Variants in BBOX1 observed in about 807,000 individuals in gnomAD.
The protein encoded by BBOX1 is gamma-butyrobetaine dioxygenase.
Under a neutral mutation model 41.6 loss-of-function variants are expected in BBOX1, and 35 were observed. That is an observed-to-expected ratio of 0.84 (90% confidence interval 0.64 to 1.11). The LOEUF is 1.11. Ranked by LOEUF, BBOX1 falls within the 50% of genes most tolerant of loss-of-function variation. BBOX1 has a pLI of 0.00. For synonymous variants in BBOX1, 163 were observed against 154.7 expected, an observed-to-expected ratio of 1.05 and a Z score of -0.40; for missense variants, 458 against 460.6, an observed-to-expected ratio of 0.99 and a Z score of 0.05.
At chr11:27,052,898 G>A (rs1856859654) in intron 2 of BBOX1, among the ~76,000 whole-genome samples, 1 of 151,894 alleles carries the variant, frequency 6.6e-6, no homozygotes, top group Non-Finnish European at 1.5e-5. Context: ...ATTCCAGAAA[G>A]GAAGTGGAAA....
chr11:27,076,389 C>T (rs1199614539), intron 4 of BBOX1, among the ~76,000 whole-genome samples: 2 of 152,192 alleles, frequency 1.3e-5, no homozygotes, highest in African/African-American at 4.8e-5. Context: ...CTCAGGACCT[C>T]CTGGTTAGCC....
intron 2 of BBOX1, among the ~76,000 whole-genome samples, chr11:27,042,707 G>A (rs1851374841): frequency 6.6e-6 from 1 of 151,994 alleles, no homozygotes; most frequent in Non-Finnish European, 1.5e-5. Context: ...AAGTATCTCA[G>A]CCACTTATTA....
intron 3 of BBOX1, among the ~76,000 whole-genome samples, chr11:27,056,754 G>A (rs1055476824): frequency 2.6e-5 from 4 of 151,916 alleles, no homozygotes; most frequent in Non-Finnish European, 4.4e-5. Flanking sequence ...TTCCAAAAGC[G>A]TATGCTTAAT....
At chr11:27,121,872 A>G (rs902374052) in intron 7 of BBOX1, among the ~76,000 whole-genome samples, 1 of 152,182 alleles carries the variant, frequency 6.6e-6, no homozygotes, top group African/African-American at 2.4e-5. Context: ...AAACATAGCT[A>G]TAGATAAGAT....
chr11:27,105,075 C>T (rs1421930518), intron 5 of BBOX1, among the ~76,000 whole-genome samples: 1 of 152,110 alleles, frequency 6.6e-6, no homozygotes, highest in African/African-American at 2.4e-5. Flanking sequence ...GACATCCACA[C>T]CAAAACCCCA....
intron 7 of BBOX1, among the ~76,000 whole-genome samples, chr11:27,123,294 G>A: frequency 6.6e-6 from 1 of 151,816 alleles, no homozygotes; most frequent in East Asian, 1.9e-4. Context: ...ATACCATGAG[G>A]CATCCAATTC....
chr11:27,110,908 T>C (rs971624918), intron 5 of BBOX1, among the ~76,000 whole-genome samples: 8 of 151,958 alleles, frequency 5.3e-5, no homozygotes, highest in Non-Finnish European at 5.9e-5. Flanking sequence ...ATAGTGAACA[T>C]TTTTCAAGCC....
intron 2 of BBOX1, among the ~76,000 whole-genome samples, chr11:27,044,042 T>G (rs1267910677): frequency 6.6e-6 from 1 of 152,242 alleles, no homozygotes; most frequent in Non-Finnish European, 1.5e-5. Context: ...ATGTTTGAAC[T>G]ACTTTATATT....
At chr11:27,096,950 C>T (rs1006278928) in intron 5 of BBOX1, among the ~76,000 whole-genome samples, 1 of 151,964 alleles carries the variant, frequency 6.6e-6, no homozygotes, top group African/African-American at 2.4e-5. Context: ...AGATGCTTGT[C>T]ATTATTTTGT....
chr11:27,102,566 C>G (rs1257263588), intron 5 of BBOX1, among the ~76,000 whole-genome samples: 2 of 151,876 alleles, frequency 1.3e-5, no homozygotes, highest in Non-Finnish European at 2.9e-5. Flanking sequence ...CAACAAGCAT[C>G]CTTACTACTG....
intron 5 of BBOX1, among the ~76,000 whole-genome samples, chr11:27,098,247 G>T (rs1435598245): frequency 6.6e-6 from 1 of 151,680 alleles, no homozygotes; most frequent in Non-Finnish European, 1.5e-5. Flanking sequence ...CATTGATCTG[G>T]CATCCTCTGC....
intron 5 of BBOX1, among the ~76,000 whole-genome samples, chr11:27,105,251 T>A: frequency 6.6e-6 from 1 of 152,210 alleles, no homozygotes; most frequent in South Asian, 2.1e-4. Flanking sequence ...GAATGACTGA[T>A]GAATTGAGAG....
chr11:27,114,050 T>G (rs1025231783), intron 5 of BBOX1, among the ~76,000 whole-genome samples: 2 of 151,840 alleles, frequency 1.3e-5, no homozygotes, highest in Non-Finnish European at 2.9e-5. Flanking sequence ...ATGAATGAAT[T>G]TAGCAAGTTG....
At chr11:27,097,955 T>C (rs1858502406) in intron 5 of BBOX1, among the ~76,000 whole-genome samples, 1 of 152,008 alleles carries the variant, frequency 6.6e-6, no homozygotes, top group Admixed American at 6.6e-5. Flanking sequence ...ACACATGCCA[T>C]TTCTATGACA....
At position 27,093,332 on chromosome 11, in the gene BBOX1, A is replaced by G. The variant is rs746516932; in HGVS notation, c.499A>G (p.Lys167Glu). ...ACCAGGAGAAGTTTCAAAACTTGGG[A>G]AAAGGATGGGTTTCCTCTATCTCAC... ...DKPGEVSKLGKRMGFLYLTFY... is the reference protein window; with the variant it reads ...DKPGEVSKLGERMGFLYLTFY... The change falls in exon 5 of 9, where the codon AAA becomes GAA. Residue 167 changes from lysine (K) to glutamate (E), a missense_variant. By Grantham distance (56) the Lys-to-Glu change is moderately conservative (BLOSUM62 1). Coordinates refer to ENST00000263182, the MANE Select transcript of BBOX1 (RefSeq NM_003986.3). The G allele has an allele frequency of 8.7e-6, 14 of 1,612,286 alleles. No homozygotes were observed. Among genetic ancestry groups the G allele is most frequent in the Non-Finnish European group, 1.1e-5 (13 of 1,178,956 alleles).
At chr11:27,116,495 C>T (rs1224889061) in intron 6 of BBOX1, among the ~76,000 whole-genome samples, 2 of 151,678 alleles carry the variant, frequency 1.3e-5, no homozygotes, top group Non-Finnish European at 2.9e-5. Context: ...TAATAACTCA[C>T]TCCCTAACTT....
intron 4 of BBOX1, among the ~76,000 whole-genome samples, chr11:27,073,267 C>T (rs7101475): frequency 0.02 from 3,027 of 152,284 alleles, 96 homozygotes; most frequent in African/African-American, 0.069. Context: ...TATGAACAGA[C>T]ACTTCTCAAG....
chr11:27,063,656 CA>C (rs11354714), intron 4 of BBOX1, among the ~76,000 whole-genome samples: 58,491 of 141,520 alleles, frequency 0.41, 11,649 homozygotes, highest in African/African-American at 0.53. Context: ...ATTGCACAGT[CA>C]AAAAAAAAAA....
chr11:27,120,917 C>T (rs1859436825), intron 7 of BBOX1, among the ~76,000 whole-genome samples: 1 of 151,908 alleles, frequency 6.6e-6, no homozygotes, highest in Non-Finnish European at 1.5e-5. Flanking sequence ...AAGATCTCTC[C>T]CCTCATATAG....
Sources: allele counts gnomAD v4.1 joint callset (sites outside exome capture counted in the v4.1 genomes callset), GRCh38; gene constraint gnomAD v4.1.1; transcripts MANE v1.5; gene names NCBI Gene and HGNC (gene_info 2026-07-23, HGNC 2026-07-21).